Variants in UMOD observed in about 807,000 individuals in gnomAD.
UMOD encodes uromodulin, also known as Tamm-Horsfall urinary glycoprotein.
Under a neutral mutation model 66.0 loss-of-function variants are expected in UMOD, and 64 were observed. The observed-to-expected ratio is 0.97, with a 90% CI of 0.79 to 1.19. The LOEUF (loss-of-function observed/expected upper bound fraction) is 1.19, where lower values mean the gene tolerates loss of function less well. Among genes scored for constraint, UMOD ranks in the 50% most tolerant of loss-of-function variants. The pLI, the probability that UMOD is intolerant of heterozygous loss-of-function variation, is 0.00. For synonymous variants in UMOD, 398 were observed against 352.7 expected (o/e 1.13, Z -1.44); for missense variants, 764 against 850.9 (o/e 0.90, Z 1.27).
chr16:20,354,782 C>A (rs1385261020), upstream of UMOD, among the ~76,000 whole-genome samples: 3 of 152,124 alleles, frequency 2.0e-5, no homozygotes, highest in African/African-American at 7.2e-5. Context: ...GGAGGGACTG[C>A]CCCTCCCAGG....
At chr16:20,342,065 C>G (rs546308997) in intron 6 of UMOD, among the ~76,000 whole-genome samples, 22 of 152,302 alleles carry the variant, frequency 1.4e-4, no homozygotes, top group Admixed American at 7.8e-4. Context: ...GAGAGAGGGA[C>G]CAGGTGCTGT....
intron 7 of UMOD, among the ~76,000 whole-genome samples, chr16:20,340,286 C>T (rs752657646): frequency 1.3e-5 from 2 of 151,980 alleles, no homozygotes; most frequent in East Asian, 3.9e-4. Context: ...GCTGGAGGAT[C>T]GCTTGAGCCT....
At chr16:20,337,108 T>A (rs1327120344) in intron 8 of UMOD, among the ~76,000 whole-genome samples, 183 bp downstream of exon 8, 1 of 152,200 alleles carries the variant, frequency 6.6e-6, no homozygotes, top group East Asian at 1.9e-4. Context: ...TGCCGCACTT[T>A]ACTGATCCCA....
At chr16:20,354,012 T>C (rs535335992), upstream of UMOD, among the ~76,000 whole-genome samples, 2 of 145,870 alleles carry the variant, frequency 1.4e-5, no homozygotes, top group South Asian at 4.2e-4. Context: ...CGGTGTTTGG[T>C]TTTTTGTCCT....
At chr16:20,336,045 T>G (rs1053775330) in intron 9 of UMOD, among the ~76,000 whole-genome samples, 1 of 152,236 alleles carries the variant, frequency 6.6e-6, no homozygotes, top group Non-Finnish European at 1.5e-5. Context: ...CCTTGGGGGC[T>G]AGACTGCCTT....
intron 5 of UMOD, among the ~76,000 whole-genome samples, chr16:20,345,781 C>A (rs529874366): frequency 6.4e-4 from 97 of 152,086 alleles, no homozygotes; most frequent in African/African-American, 1.9e-3. Flanking sequence ...GTTTCTGAAC[C>A]CAATGCTGAT....
intron 5 of UMOD, 135 bp downstream of exon 5, chr16:20,345,991 T>C: frequency 2.7e-6 from 2 of 753,786 alleles, no homozygotes; most frequent in Non-Finnish European, 4.3e-6. Flanking sequence ...CTATTATTTC[T>C]CCACTTTACA....
At chr16:20,343,368 G>A (rs977969090) in intron 6 of UMOD, among the ~76,000 whole-genome samples, 8 of 152,242 alleles carry the variant, frequency 5.3e-5, no homozygotes, top group Non-Finnish European at 1.0e-4. Context: ...CTTGCAAGGA[G>A]CGTAATTTTT....
rs1163687922 is a variant in UMOD at position 20,333,054 on chromosome 16, GAT to G, written c.*258_*259del. 4.2e-6 allele frequency: 2 copies of G among 470,936 alleles called. No homozygotes were observed. The highest frequency in any genetic ancestry group is 7.9e-6 in the Non-Finnish European group (2 of 253,602). 29.2% of individuals were successfully genotyped at this position (470,936 alleles called of 1,614,324 possible). ...ATGAATGGATGACTTCAAAGACTGA[GAT>G]TTAAAAATCATTATTTTGCCACACT... On this transcript the variant is annotated 3_prime_UTR_variant, in exon 11 of 11. Transcript: ENST00000396138.
At chr16:20,346,370 T>C in intron 4 of UMOD, 36 bp from the exon 5 acceptor site, 3 of 1,611,394 alleles carry the variant, frequency 1.9e-6, no homozygotes, top group Non-Finnish European at 2.5e-6. Context: ...GACGTGTGTC[T>C]ATAGCTTGGG....
rs759561517 is a variant in UMOD, at chr16:20,346,341, C to T, written c.974-7G>A. Reference sequence around the variant, plus strand: ...TGCTCCAGGAGGGAGATATCTGAAACAGGTTAGGTGGGATTGAGGACGTGT... The same window carrying T: ...TGCTCCAGGAGGGAGATATCTGAAATAGGTTAGGTGGGATTGAGGACGTGT... On this transcript the variant is annotated splice_region_variant and splice_polypyrimidine_tract_variant and intron_variant, in intron 4 of 10. Coordinates refer to ENST00000396138, the MANE Select transcript of UMOD (RefSeq NM_003361.4). 3.1e-6 allele frequency: 5 copies of T among 1,614,204 alleles called. No homozygotes were observed. The highest frequency in any genetic ancestry group is 4.2e-6 in the Non-Finnish European group (5 of 1,180,042).
chr16:20,352,566 G>T (rs957588135), intron 1 of UMOD, 123 bp downstream of exon 1: 3 of 622,666 alleles, frequency 4.8e-6, no homozygotes, highest in Non-Finnish European at 7.0e-6. Flanking sequence ...CCAATAATTG[G>T]CAGAATAATG....
intron 10 of UMOD, among the ~76,000 whole-genome samples, chr16:20,335,204 G>T (rs1314823916): frequency 2.6e-5 from 4 of 152,200 alleles, no homozygotes; most frequent in Admixed American, 6.5e-5. Context: ...CCAAGATGCA[G>T]ATCTGGAGTG....
rs772389643 is a variant in UMOD at position 20,337,276 on chromosome 16, G to A, written c.1740+15C>T. 2 of 1,613,938 alleles carry A rather than the reference G, an allele frequency of 1.2e-6. No homozygotes were observed. The highest frequency in any genetic ancestry group is 2.2e-5 in the East Asian group (1 of 44,890). On this transcript the variant is annotated intron_variant, in intron 8 of 10. Coordinates refer to ENST00000396138, the MANE Select transcript of UMOD (RefSeq NM_003361.4). ...TGGTTACAAGAGATGGGCTGGGGGA[G>A]GGGAGTCAACTCACAGGCTTGCACT...
intron 1 of UMOD, chr16:20,351,334 C>A: frequency 5.8e-6 from 1 of 171,872 alleles, no homozygotes; most frequent in Non-Finnish European, 1.3e-5. Context: ...TTGAGACGAG[C>A]AACTTGAGAG....
At chr16:20,337,825 A>G (rs1964969071) in intron 7 of UMOD, among the ~76,000 whole-genome samples, 1 of 152,226 alleles carries the variant, frequency 6.6e-6, no homozygotes. Context: ...TGTGCTATCT[A>G]CAATATGCCT....
Position 20,335,419 on chromosome 16 carries a change from C to G in UMOD, c.1861+63G>C. 3 of 1,537,928 alleles carry G rather than the reference C, an allele frequency of 2.0e-6. No homozygotes were observed. In the South Asian group the frequency reaches 3.4e-5, roughly 17 times the overall value. ...GTTGCTATGAAGCATTACAAGTTAA[C>G]AGATAGAAGCCCCCCAGGAGAGTTC... On this transcript the variant is annotated intron_variant, in intron 10 of 10. Coordinates refer to ENST00000396138, the MANE Select transcript of UMOD (RefSeq NM_003361.4).
intron 5 of UMOD, among the ~76,000 whole-genome samples, chr16:20,345,428 C>CTTTCTTTCTTTCTT (rs746042341): frequency 1.5e-5 from 1 of 65,884 alleles, no homozygotes; most frequent in Non-Finnish European, 3.5e-5. Flanking sequence ...TTCTTTCTTT[C>CTTTCTTTCTTTCTT]TCTTTCTTTC....
At position 20,341,124 on chromosome 16, in the gene UMOD, G is replaced by C. The variant is rs550521976; in HGVS notation, c.1544C>G (p.Thr515Arg). 1 of 1,614,092 alleles carries C rather than the reference G, an allele frequency of 6.2e-7. No individual in the cohort carries two copies. The highest frequency in any genetic ancestry group is 8.5e-7 in the Non-Finnish European group (1 of 1,180,008). Residue 515 changes from threonine (T) to arginine (R), a missense_variant, in exon 7 of 11, where the codon ACG (threonine) becomes AGG (arginine). Thr to Arg is a moderately conservative substitution (Grantham distance 71). Transcript: ENST00000396138. ...NCYATPSSNA[T>R]DPLKYFIIQD... ...GATGATGAAGTACTTCAGGGGGTCC[G>C]TGGCATTGCTACTGGGTGTGGCATA...
Sources: gnomAD v4.1 joint callset for allele counts (sites outside exome capture counted in the v4.1 genomes callset) on GRCh38, gnomAD v4.1.1 for gene constraint, MANE v1.5 for transcripts, NCBI Gene and HGNC (gene_info 2026-07-23, HGNC 2026-07-21) for gene names.